The following PRKCA variants were observed in gnomAD, a reference collection of about 807,000 sequenced individuals.
PRKCA encodes the protein protein kinase C alpha.
A neutral mutation model predicts 87.0 loss-of-function variants in PRKCA; 27 were observed. That is an observed-to-expected ratio of 0.31 (90% CI 0.23 to 0.43). The LOEUF is 0.43. Ranked by LOEUF, PRKCA falls within the 20% of genes least tolerant of loss-of-function variation. The pLI is 1.00. For synonymous variants in PRKCA, 329 were observed against 311.1 expected (o/e 1.06, Z -0.61); for missense variants, 518 against 852.3 (o/e 0.61, Z 4.88).
At position 66,652,165 on chromosome 17, in the gene PRKCA, G is replaced by C. The variant is rs141259571; in HGVS notation, c.529+6654G>C. Reference sequence around the variant, plus strand: ...GTAGAGACAAGGTTCCACCATGTTAGCTAGGCTGATCTCGAACTCCTGACT... The same window carrying C: ...GTAGAGACAAGGTTCCACCATGTTACCTAGGCTGATCTCGAACTCCTGACT... On this transcript the variant is annotated intron_variant, in intron 5 of 16. Transcript: ENST00000413366. Among the ~76,000 whole-genome samples the C allele has an allele frequency of 1.9e-3, 296 of 152,224 alleles. 2 individuals are homozygous for C. Among genetic ancestry groups the C allele is most frequent in the African/African-American group, 6.9e-3 (287 of 41,550 alleles).
intron 2 of PRKCA, among the ~76,000 whole-genome samples, chr17:66,428,842 C>T (rs1912953801): frequency 2.0e-5 from 3 of 152,108 alleles, no homozygotes; most frequent in Admixed American, 6.5e-5. Flanking sequence ...TCCTTGCCTG[C>T]TGCAGATACT....
chr17:66,517,649 T>G (rs573308407), intron 3 of PRKCA, among the ~76,000 whole-genome samples: 16 of 152,348 alleles, frequency 1.1e-4, no homozygotes, highest in African/African-American at 3.8e-4. Context: ...CTAACTTTTT[T>G]CACGCCAAAA....
intron 13 of PRKCA, among the ~76,000 whole-genome samples, chr17:66,758,607 A>G (rs554688967): frequency 1.3e-5 from 2 of 152,298 alleles, no homozygotes; most frequent in East Asian, 3.9e-4. Flanking sequence ...GGCCAGCAAG[A>G]AGCTCATCAT....
chr17:66,779,923 G>A (rs1316698242), intron 14 of PRKCA, among the ~76,000 whole-genome samples: 2 of 152,154 alleles, frequency 1.3e-5, no homozygotes, highest in East Asian at 1.9e-4. Flanking sequence ...TGAGTGACAC[G>A]TTACCCCCAT....
chr17:66,576,504 G>A (rs1053140743), intron 3 of PRKCA, among the ~76,000 whole-genome samples: 3 of 152,264 alleles, frequency 2.0e-5, no homozygotes, highest in Non-Finnish European at 4.4e-5. Flanking sequence ...GCCAAAGCCA[G>A]TGGCTCTTTA....
chr17:66,486,617 G>A (rs1170511806), intron 2 of PRKCA, among the ~76,000 whole-genome samples: 1 of 152,002 alleles, frequency 6.6e-6, no homozygotes, highest in Admixed American at 6.6e-5. Context: ...ACAACACTTG[G>A]GTGTTTCCAG....
intron 1 of PRKCA, among the ~76,000 whole-genome samples, chr17:66,303,931 C>T (rs1300537755): frequency 1.3e-5 from 2 of 152,074 alleles, no homozygotes; most frequent in Non-Finnish European, 2.9e-5. Flanking sequence ...ACCCGGGAGG[C>T]GGAGGCTGCA....
At chr17:66,542,269 AATT>A (rs1218168101) in intron 3 of PRKCA, among the ~76,000 whole-genome samples, 2 of 152,120 alleles carry the variant, frequency 1.3e-5, no homozygotes, top group Non-Finnish European at 2.9e-5. Flanking sequence ...TGTGGTTTGC[AATT>A]AATTTGTATG....
intron 3 of PRKCA, among the ~76,000 whole-genome samples, chr17:66,520,125 ATTTTTTTT>A (rs35377147): frequency 1.5e-5 from 2 of 133,934 alleles, no homozygotes; most frequent in South Asian, 4.9e-4. Flanking sequence ...CACACTAATA[ATTTTTTTT>A]TTTTTTTTTT....
At chr17:66,562,108 ATATATATAATTAAATATATATAATTAAAT>A (rs1968711490) in intron 3 of PRKCA, among the ~76,000 whole-genome samples, 2 of 112,254 alleles carry the variant, frequency 1.8e-5, no homozygotes, top group East Asian at 3.3e-4. Flanking sequence ...TAATTAAATT[ATATATATAATTAAATATATATAATTAAAT>A]TATATATATA....
chr17:66,346,199 C>A (rs1598606286), intron 2 of PRKCA, among the ~76,000 whole-genome samples: 1 of 151,106 alleles, frequency 6.6e-6, no homozygotes, highest in Non-Finnish European at 1.5e-5. Context: ...TGGGTTCAGG[C>A]GATTCTCCTG....
intron 2 of PRKCA, among the ~76,000 whole-genome samples, chr17:66,351,833 G>A (rs1302934744): frequency 6.6e-6 from 1 of 151,998 alleles, no homozygotes; most frequent in Admixed American, 6.6e-5. Flanking sequence ...CCAGGACTAG[G>A]GCAATACCAG....
rs35821130 is a variant in PRKCA at position 66,732,738 on chromosome 17, C to T, written c.969C>T (p.Asp323=). ...AGNKVISPSE[D]RKQPSNNLDR... is the part of the protein sequence containing the mutation. ...ACAAAGTCATCAGTCCCTCTGAAGA[C>T]AGGAAACAACCTTCCAACAACCTTG... Residue 323 remains aspartate, a synonymous_variant, in exon 9 of 17, where the codon GAC becomes GAT. Coordinates refer to ENST00000413366, the MANE Select transcript of PRKCA (RefSeq NM_002737.3). The T allele has an allele frequency of 5.7e-4, 928 of 1,614,176 alleles. 3 individuals carry two copies. In the African/African-American group the frequency reaches 0.01, roughly 18 times the overall value.
intron 3 of PRKCA, among the ~76,000 whole-genome samples, chr17:66,640,167 A>T (rs1053876721): frequency 6.6e-6 from 1 of 152,136 alleles, no homozygotes; most frequent in African/African-American, 2.4e-5. Context: ...CAGAAGACAG[A>T]TGCTGTTAAT....
Position 66,510,758 on chromosome 17 carries a change from T to G in PRKCA, c.288+14475T>G, listed in dbSNP as rs543153064. Among the ~76,000 whole-genome samples, 5 of 152,302 alleles carry G rather than the reference T, an allele frequency of 3.3e-5. No individual in the cohort carries two copies. The East Asian group carries it at 9.7e-4, about 29-fold the overall frequency. ...ATGTATTTTACTAATTTTATTATTT[T>G]TTTTTGAGATGGGGTCTCACTCTGT... is the stretch of plus-strand genomic sequence containing the variant. On this transcript the variant is annotated intron_variant, in intron 3 of 16. Coordinates refer to ENST00000413366, the MANE Select transcript of PRKCA (RefSeq NM_002737.3).
intron 3 of PRKCA, among the ~76,000 whole-genome samples, chr17:66,617,129 C>T (rs1268663550): frequency 3.3e-5 from 5 of 151,936 alleles, no homozygotes; most frequent in East Asian, 1.9e-4. Flanking sequence ...AAATGTGAGA[C>T]GCCCAAGATC....
intron 3 of PRKCA, among the ~76,000 whole-genome samples, chr17:66,573,893 G>A (rs942386641): frequency 1.3e-5 from 2 of 152,204 alleles, no homozygotes; most frequent in African/African-American, 2.4e-5. Context: ...GGGAGGCTGA[G>A]ACTGGAGGAT....
intron 8 of PRKCA, among the ~76,000 whole-genome samples, chr17:66,725,789 G>A (rs913343818): frequency 5.3e-5 from 8 of 149,554 alleles, no homozygotes; most frequent in Non-Finnish European, 7.4e-5. Flanking sequence ...CAGCCTGGGC[G>A]ACAGAGTGAG....
At chr17:66,625,439 T>C (rs1239839106) in intron 3 of PRKCA, among the ~76,000 whole-genome samples, 3 of 152,350 alleles carry the variant, frequency 2.0e-5, no homozygotes, top group Non-Finnish European at 4.4e-5. Context: ...TCTCTTGATG[T>C]CATTCTATTC....
Sources: allele counts gnomAD v4.1 joint callset (sites outside exome capture counted in the v4.1 genomes callset), GRCh38; gene constraint gnomAD v4.1.1; transcripts MANE v1.5; gene names NCBI Gene and HGNC (gene_info 2026-07-23, HGNC 2026-07-21).